Variants in DCC observed in about 807,000 individuals in gnomAD.
DCC encodes DCC netrin 1 receptor.
DCC carries 58 observed loss-of-function variants against 172.5 expected under a neutral mutation model. The ratio of observed to expected loss-of-function variants is 0.34; its 90% CI spans 0.27 to 0.42. The LOEUF (loss-of-function observed/expected upper bound fraction) is 0.42. Among genes scored for constraint, DCC ranks in the 10% least tolerant of loss-of-function variants. DCC has a pLI of 1.00. For missense variants in DCC, 1,740 were observed against 1,791.0 expected (o/e 0.97, Z 0.51); for synonymous variants, 709 against 644.5 (o/e 1.10, Z -1.52).
chr18:52,897,261 A>C (rs2039745333), intron 2 of DCC, among the ~76,000 whole-genome samples: 1 of 152,214 alleles, frequency 6.6e-6, no homozygotes, highest in Admixed American at 6.5e-5. Flanking sequence ...AGAAAGACTT[A>C]GTTGATGGCC....
chr18:53,405,258 T>C (rs1467854417), intron 19 of DCC, among the ~76,000 whole-genome samples: 1 of 151,944 alleles, frequency 6.6e-6, no homozygotes, highest in African/African-American at 2.4e-5. Flanking sequence ...AGGAGGGATG[T>C]GCTCTCATGT....
chr18:52,469,496 T>C (rs1988885951), intron 1 of DCC, among the ~76,000 whole-genome samples: 1 of 152,190 alleles, frequency 6.6e-6, no homozygotes, highest in Non-Finnish European at 1.5e-5. Flanking sequence ...TTGAATATAC[T>C]TATTTTATAA....
At chr18:52,871,468 T>G (rs2145383780) in intron 2 of DCC, among the ~76,000 whole-genome samples, 1 of 152,284 alleles carries the variant, frequency 6.6e-6, no homozygotes, top group Admixed American at 6.5e-5. Context: ...CCCTCTTTTT[T>G]TCCTTTAGAG....
In DCC at chr18:53,450,661, A is replaced by C; in HGVS notation, c.3391A>C (p.Lys1131Gln). ...CTRRSSAQQR[K>Q]KRATHSAGKR... Reference sequence around the variant, plus strand: ...CCGACGCTCTTCAGCCCAGCAGAGAAAGTAGGTAACAGCTGGTTCCCAAGA... The same window carrying C: ...CCGACGCTCTTCAGCCCAGCAGAGACAGTAGGTAACAGCTGGTTCCCAAGA... The change falls in exon 23 of 29, where the codon AAG becomes CAG. Residue 1131 changes from lysine to glutamine, a missense_variant and splice_region_variant. Around this residue, in one of 2 missense-constraint regions of DCC, gnomAD observed 1,732 missense variants for 1,767.4 expected, o/e 0.98. Transcript: ENST00000442544. The C allele has an allele frequency of 6.2e-7, 1 of 1,612,518 alleles. No homozygotes were observed. Among genetic ancestry groups the C allele is most frequent in the Non-Finnish European group, 8.5e-7 (1 of 1,178,616 alleles).
intron 12 of DCC, among the ~76,000 whole-genome samples, chr18:53,222,370 C>CTTTTTT (rs1202134988): frequency 8.0e-6 from 1 of 125,284 alleles, no homozygotes; most frequent in African/African-American, 3.1e-5. Flanking sequence ...TTTCTTTTTT[C>CTTTTTT]TTTTTCTTTT....
chr18:52,931,953 AAG>A (rs1161740349), intron 5 of DCC: 1 of 152,090 alleles, frequency 6.6e-6, no homozygotes, highest in Non-Finnish European at 1.5e-5. Context: ...TATTTAAAAA[AAG>A]AAAAAACGAA....
chr18:52,713,474 G>A (rs116947701), intron 1 of DCC, among the ~76,000 whole-genome samples: 7,406 of 152,308 alleles, frequency 0.049, 231 homozygotes, highest in Middle Eastern at 0.13. Flanking sequence ...GCCACCTGGT[G>A]CCACTTGGGG....
intron 12 of DCC, among the ~76,000 whole-genome samples, chr18:53,245,073 A>G (rs989007859): frequency 2.6e-5 from 4 of 152,110 alleles, no homozygotes; most frequent in Non-Finnish European, 5.9e-5. Context: ...AATTAGAGTC[A>G]TATATTTGGA....
At chr18:52,910,701 T>C (rs1319315234) in intron 3 of DCC, among the ~76,000 whole-genome samples, 1 of 152,164 alleles carries the variant, frequency 6.6e-6, no homozygotes, top group East Asian at 1.9e-4. Flanking sequence ...CTGACTACAA[T>C]TACTGGCCTA....
At chr18:53,314,486 A>T (rs2057321344) in intron 13 of DCC, among the ~76,000 whole-genome samples, 1 of 152,180 alleles carries the variant, frequency 6.6e-6, no homozygotes, top group Admixed American at 6.5e-5. Context: ...AACTTTTCTA[A>T]AAAGCAAAAC....
intron 1 of DCC, among the ~76,000 whole-genome samples, chr18:52,380,721 A>C (rs1320360008): frequency 6.6e-6 from 1 of 152,188 alleles, no homozygotes. Context: ...AACAGAAACA[A>C]CTGGTAAGAT....
chr18:52,981,051 C>T (rs949527455), intron 5 of DCC, among the ~76,000 whole-genome samples: 12 of 151,472 alleles, frequency 7.9e-5, no homozygotes, highest in African/African-American at 2.9e-4. Flanking sequence ...AAAGAAATTC[C>T]CAGACCCAGT....
chr18:53,044,400 T>A (rs1453941324), intron 5 of DCC, among the ~76,000 whole-genome samples: 1 of 151,560 alleles, frequency 6.6e-6, no homozygotes, highest in East Asian at 1.9e-4. Context: ...ATGCCACTGA[T>A]TGAAATTCAG....
intron 2 of DCC, among the ~76,000 whole-genome samples, chr18:52,903,472 G>C (rs936884987): frequency 1.3e-5 from 2 of 152,140 alleles, no homozygotes; most frequent in Admixed American, 6.6e-5. Context: ...CTCCTAAAAT[G>C]CTGGGATTAC....
chr18:52,782,168 T>C (rs531577915), intron 2 of DCC, among the ~76,000 whole-genome samples: 2 of 152,116 alleles, frequency 1.3e-5, no homozygotes, highest in African/African-American at 2.4e-5. Context: ...TCTTTACAAA[T>C]GAGGGTGCTC....
At chr18:53,156,502 A>AAT (rs1369255793) in intron 7 of DCC, among the ~76,000 whole-genome samples, 1 of 151,434 alleles carries the variant, frequency 6.6e-6, no homozygotes, top group African/African-American at 2.4e-5. Context: ...AAAAAAAAAA[A>AAT]GAATCAACTT....
At chr18:52,623,267 A>G (rs1283419581) in intron 1 of DCC, among the ~76,000 whole-genome samples, 1 of 152,218 alleles carries the variant, frequency 6.6e-6, no homozygotes, top group African/African-American at 2.4e-5. Flanking sequence ...TTAAGTAGTA[A>G]GGGAAGAAAC....
At chr18:52,452,214 A>C (rs77605431) in intron 1 of DCC, among the ~76,000 whole-genome samples, 1 of 152,338 alleles carries the variant, frequency 6.6e-6, no homozygotes, top group East Asian at 1.9e-4. Flanking sequence ...AAGTTTTGAG[A>C]TTTAGTTCAA....
chr18:53,474,495 CA>C (rs575831965), intron 25 of DCC, among the ~76,000 whole-genome samples: 209 of 152,198 alleles, frequency 1.4e-3, no homozygotes, highest in African/African-American at 4.8e-3. Flanking sequence ...GTAATTGAAT[CA>C]GGGGCAGGTC....
Sources: allele counts gnomAD v4.1 joint callset (sites outside exome capture counted in the v4.1 genomes callset), GRCh38; gene constraint gnomAD v4.1.1; regional missense constraint gnomAD v4.1.1; transcripts MANE v1.5; gene names NCBI Gene and HGNC (gene_info 2026-07-23, HGNC 2026-07-21).